Variants in CORO2A observed in about 807,000 individuals in gnomAD.
CORO2A encodes the protein coronin-2A.
CORO2A carries 47 observed loss-of-function variants against 62.4 expected under a neutral mutation model. The observed-to-expected ratio is 0.75, with a 90% CI of 0.60 to 0.96. The LOEUF (loss-of-function observed/expected upper bound fraction) is 0.96, where lower values mean the gene tolerates loss of function less well. CORO2A is among the 40% of genes least tolerant of loss of function. The probability of loss-of-function intolerance (pLI) is 0.00; values close to 1 mark genes in which losing one functional copy is unlikely to be tolerated. For missense variants in CORO2A, 610 were observed against 684.1 expected (o/e 0.89, Z 1.21); for synonymous variants, 273 against 268.9 (o/e 1.02, Z -0.15).
intron 1 of CORO2A, among the ~76,000 whole-genome samples, chr9:98,163,319 A>G (rs1413117645): frequency 1.3e-5 from 2 of 152,196 alleles, no homozygotes; most frequent in Admixed American, 6.5e-5. Flanking sequence ...CCTCCAGAGT[A>G]GCTGGGATAA....
chr9:98,160,684 C>T lies in CORO2A; in HGVS notation c.1-3024G>A, dbSNP rs1189851373. ...CAAATCAGCAGGCTCCGCTCCAGGC[C>T]CCCCCACTCCTCCCTCACCTTGAGC... On this transcript the variant is annotated intron_variant, in intron 1 of 11. Coordinates refer to ENST00000375077, the MANE Select transcript of CORO2A (RefSeq NM_052820.4). 3.9e-5 allele frequency among the ~76,000 whole-genome samples: 6 copies of T among 152,126 alleles called. No individual in the cohort carries two copies. In the East Asian group the frequency reaches 1.2e-3, roughly 29 times the overall value.
chr9:98,175,716 T>C (rs1215734991), intron 1 of CORO2A, among the ~76,000 whole-genome samples: 4 of 152,196 alleles, frequency 2.6e-5, no homozygotes, highest in Non-Finnish European at 5.9e-5. Flanking sequence ...GTAGGGAACC[T>C]GCCTGCCGGG....
chr9:98,144,317 CA>C (rs1827613640), intron 2 of CORO2A, among the ~76,000 whole-genome samples: 1 of 152,126 alleles, frequency 6.6e-6, no homozygotes. Flanking sequence ...GGACATAGTA[CA>C]AGAATTCCCC....
intron 6 of CORO2A, among the ~76,000 whole-genome samples, chr9:98,131,473 G>A (rs151263262): frequency 2.0e-3 from 307 of 151,992 alleles, no homozygotes; most frequent in Non-Finnish European, 3.4e-3. Flanking sequence ...TTATAGATAT[G>A]CACCACTGCA....
chr9:98,171,095 A>G (rs1490015216), intron 1 of CORO2A, among the ~76,000 whole-genome samples: 1 of 152,212 alleles, frequency 6.6e-6, no homozygotes, highest in Non-Finnish European at 1.5e-5. Context: ...GACAAGGATC[A>G]CTGGGGATTT....
At chr9:98,181,255 C>T (rs1588015836) in intron 1 of CORO2A, among the ~76,000 whole-genome samples, 1 of 152,056 alleles carries the variant, frequency 6.6e-6, no homozygotes, top group South Asian at 2.1e-4. Flanking sequence ...CCCACGTGGC[C>T]TCCTTCTTCT....
chr9:98,124,526 C>T lies in CORO2A; in HGVS notation c.*248G>A, dbSNP rs1038470496. 2.9e-5 allele frequency: 10 copies of T among 347,850 alleles called. No homozygotes were observed. The highest frequency in any genetic ancestry group is 5.2e-5 in the Non-Finnish European group (10 of 191,740). The allele number at this position is 347,850 out of a possible 1,614,324, so 21.5% of individuals were successfully genotyped here. A position where few individuals can be genotyped will look rare whatever the true frequency, so the allele number is the denominator to read the frequency against. ...GAGAAGTTACAGCTCATCATGGGCC[C>T]TTAATAACAGAATTCAACAGAAGGC... On this transcript the variant is annotated 3_prime_UTR_variant, in exon 12 of 12. Transcript: ENST00000375077.
In CORO2A at chr9:98,185,101, C is replaced by A. The variant is rs57756870; in HGVS notation, c.-1+7458G>T. Among the ~76,000 whole-genome samples the A allele has an allele frequency of 6.3e-3, 964 of 152,122 alleles. 14 individuals are homozygous for A. Among genetic ancestry groups the A allele is most frequent in the African/African-American group, 0.022 (904 of 41,448 alleles). On this transcript the variant is annotated intron_variant, in intron 1 of 11. Coordinates refer to ENST00000375077, the MANE Select transcript of CORO2A (RefSeq NM_052820.4). ...ATTTTTCTACCCTTCATAGTCTGGC[C>A]GTCTCCAAATCACACTAACAACCCA...
chr9:98,186,996 T>C (rs11791308), intron 1 of CORO2A, among the ~76,000 whole-genome samples: 25,673 of 152,048 alleles, frequency 0.17, 2,627 homozygotes, highest in South Asian at 0.25. Context: ...ATTGGGTGCT[T>C]TGGCCAGGCG....
chr9:98,140,304 A>G (rs1449875482), intron 2 of CORO2A, among the ~76,000 whole-genome samples: 2 of 152,136 alleles, frequency 1.3e-5, no homozygotes, highest in African/African-American at 2.4e-5. Context: ...GTGAACACTC[A>G]ACATAGTCCT....
At position 98,134,878 on chromosome 9, in the gene CORO2A, C is replaced by T. The variant is rs147316581; in HGVS notation, c.396G>A (p.Ala132=). ...GCCACTCCACCAGGCCTACTCTGCG[C>T]GCGTGGCCCACGAGTTCCTTCCTGT... ...TAYRKELVGH[A]RRVGLVEWHP... Residue 132 remains alanine, a synonymous_variant, in exon 4 of 12, where the codon GCG becomes GCA. Coordinates refer to ENST00000375077, the MANE Select transcript of CORO2A (RefSeq NM_052820.4). The T allele has an allele frequency of 1.5e-4, 236 of 1,614,170 alleles. No individual in the cohort carries two copies. Among genetic ancestry groups the T allele is most frequent in the Admixed American group, 2.7e-4 (16 of 60,014 alleles).
At chr9:98,128,489 C>T in intron 9 of CORO2A, 118 bp downstream of exon 9, 1 of 919,190 alleles carries the variant, frequency 1.1e-6, no homozygotes, top group Non-Finnish European at 1.7e-6. Context: ...GTGAGAAAGG[C>T]CGCTCTGTGG....
At chr9:98,127,132 C>T (rs140402983) in intron 10 of CORO2A, among the ~76,000 whole-genome samples, 76 of 152,338 alleles carry the variant, frequency 5.0e-4, no homozygotes, top group Non-Finnish European at 1.0e-3. Flanking sequence ...AGGACAGTCC[C>T]ACCCACACTG....
intron 2 of CORO2A, among the ~76,000 whole-genome samples, chr9:98,151,695 CT>C (rs1827725967): frequency 6.6e-6 from 1 of 152,184 alleles, no homozygotes; most frequent in South Asian, 2.1e-4. Flanking sequence ...CGGAATTTTG[CT>C]CTGTCACCCA....
chr9:98,152,135 T>TTTG (rs11379261), intron 2 of CORO2A, among the ~76,000 whole-genome samples: 3,130 of 151,152 alleles, frequency 0.021, 59 homozygotes, highest in Middle Eastern at 0.066. Flanking sequence ...TGTTTTTTTT[T>TTTG]TTTGTTTTTT....
intron 2 of CORO2A, among the ~76,000 whole-genome samples, chr9:98,151,910 G>C (rs1289884873): frequency 6.7e-6 from 1 of 148,626 alleles, no homozygotes; most frequent in African/African-American, 2.5e-5. Flanking sequence ...TCTGCCTCCC[G>C]GGTTCACGCC....
At position 98,141,349 on chromosome 9, in the gene CORO2A, CTT is replaced by C. The variant is rs138734683; in HGVS notation, c.202-3663_202-3662del. ...CCAGGTCTCCATGGGACCACTGACC[CTT>C]TTTTTTTTTTTTTTTTTGGACATGG... On this transcript the variant is annotated intron_variant, in intron 2 of 11. Coordinates refer to ENST00000375077, the MANE Select transcript of CORO2A (RefSeq NM_052820.4). 4.6e-3 allele frequency among the ~76,000 whole-genome samples: 481 copies of C among 103,784 alleles called. 1 individual carries two copies. Among genetic ancestry groups the C allele is most frequent in the African/African-American group, 0.016 (437 of 27,114 alleles). The allele number at this position is 103,784 out of a possible 152,430, so 68.1% of individuals were successfully genotyped here. A position where few individuals can be genotyped will look rare whatever the true frequency, so the allele number is the denominator to read the frequency against.
At chr9:98,169,734 A>G (rs969522753) in intron 1 of CORO2A, among the ~76,000 whole-genome samples, 2 of 152,308 alleles carry the variant, frequency 1.3e-5, no homozygotes, top group African/African-American at 4.8e-5. Flanking sequence ...AGAAGCAAAA[A>G]GAAAATAAAA....
At chr9:98,152,810 G>C (rs1564208533) in intron 2 of CORO2A, among the ~76,000 whole-genome samples, 1 of 151,996 alleles carries the variant, frequency 6.6e-6, no homozygotes. Context: ...ACATTCTACT[G>C]AACAACTGAC....
Sources: allele counts gnomAD v4.1 joint callset (sites outside exome capture counted in the v4.1 genomes callset), GRCh38; gene constraint gnomAD v4.1.1; transcripts MANE v1.5; gene names NCBI Gene and HGNC (gene_info 2026-07-23, HGNC 2026-07-21).